The following DLGAP2 variants were observed in gnomAD, a reference collection of about 807,000 sequenced individuals.
DLGAP2 encodes disks large-associated protein 2.
Under a neutral mutation model 100.3 loss-of-function variants are expected in DLGAP2, and 26 were observed. That is an observed-to-expected ratio of 0.26 (90% CI 0.19 to 0.36). The LOEUF (loss-of-function observed/expected upper bound fraction) is 0.36. DLGAP2 is among the 10% of genes least tolerant of loss of function. The probability of loss-of-function intolerance (pLI) is 1.00; values close to 1 mark genes in which losing one functional copy is unlikely to be tolerated. For synonymous variants in DLGAP2, 886 were observed against 630.1 expected (o/e 1.41, Z -6.08); for missense variants, 1,858 against 1,453.2 (o/e 1.28, Z -4.53).
intron 3 of DLGAP2, among the ~76,000 whole-genome samples, chr8:1,327,347 T>C (rs1801045282): frequency 6.6e-6 from 1 of 152,214 alleles, no homozygotes; most frequent in South Asian, 2.1e-4. Context: ...GTGGGTTTCA[T>C]GTAAAAGGTC....
At chr8:1,620,580 G>C (rs541346744) in intron 6 of DLGAP2, 1 of 152,386 alleles carries the variant, frequency 6.6e-6, no homozygotes, top group East Asian at 1.9e-4. Context: ...TCCTATCATA[G>C]ATCTTGCCTT....
chr8:1,138,389 G>A (rs935427218), intron 2 of DLGAP2, among the ~76,000 whole-genome samples: 5 of 152,174 alleles, frequency 3.3e-5, no homozygotes, highest in African/African-American at 1.2e-4. Flanking sequence ...CCACTGCGAG[G>A]GATTTCTCCA....
At chr8:1,094,115 C>T (rs994104220) in intron 2 of DLGAP2, among the ~76,000 whole-genome samples, 2 of 151,776 alleles carry the variant, frequency 1.3e-5, no homozygotes, top group African/African-American at 2.4e-5. Context: ...AGGGCAGCTC[C>T]GTGGAGTGGG....
At chr8:1,213,273 C>A (rs1482314391) in intron 2 of DLGAP2, among the ~76,000 whole-genome samples, 2 of 152,088 alleles carry the variant, frequency 1.3e-5, no homozygotes, top group Non-Finnish European at 2.9e-5. Flanking sequence ...GGATGTTGAT[C>A]GTTTAAGAAA....
chr8:1,543,021 T>C (rs562234059), intron 4 of DLGAP2, among the ~76,000 whole-genome samples: 2 of 152,316 alleles, frequency 1.3e-5, no homozygotes, highest in African/African-American at 4.8e-5. Flanking sequence ...TTTGGAGAAA[T>C]ATTCAGCTCC....
At chr8:1,245,645 G>C (rs1798887211) in intron 2 of DLGAP2, among the ~76,000 whole-genome samples, 1 of 152,248 alleles carries the variant, frequency 6.6e-6, no homozygotes, top group Non-Finnish European at 1.5e-5. Flanking sequence ...GAAATGTTAT[G>C]TGATTGATTG....
At chr8:1,267,611 G>GAAA (rs1563052052) in intron 3 of DLGAP2, among the ~76,000 whole-genome samples, 1 of 103,120 alleles carries the variant, frequency 9.7e-6, no homozygotes, top group African/African-American at 3.8e-5. Context: ...GATAAGATAA[G>GAAA]ATAAGATAAG....
At chr8:1,143,197 T>C (rs1187955372) in intron 2 of DLGAP2, among the ~76,000 whole-genome samples, 1 of 152,106 alleles carries the variant, frequency 6.6e-6, no homozygotes, top group African/African-American at 2.4e-5. Context: ...ATAAAGTTAC[T>C]ATATGACAAG....
intron 3 of DLGAP2, among the ~76,000 whole-genome samples, chr8:1,482,817 C>A (rs1411131318): frequency 6.6e-6 from 1 of 152,252 alleles, no homozygotes; most frequent in Non-Finnish European, 1.5e-5. Flanking sequence ...GTGGGACCCT[C>A]GTTCGGGGCA....
intron 7 of DLGAP2, among the ~76,000 whole-genome samples, chr8:1,631,074 C>T (rs1358659946): frequency 2.6e-5 from 4 of 152,044 alleles, no homozygotes; most frequent in African/African-American, 7.2e-5. Flanking sequence ...GCGGGAGGTC[C>T]GGGTGAACAG....
intron 3 of DLGAP2, among the ~76,000 whole-genome samples, chr8:1,492,683 G>A (rs989741600): frequency 1.3e-5 from 2 of 152,222 alleles, no homozygotes; most frequent in Non-Finnish European, 2.9e-5. Context: ...CGGAGGCAGA[G>A]GGGCCGGGAT....
intron 1 of DLGAP2, among the ~76,000 whole-genome samples, chr8:779,138 A>G (rs1219501066): frequency 6.6e-6 from 1 of 152,224 alleles, no homozygotes; most frequent in Non-Finnish European, 1.5e-5. Context: ...TTTGACTAGG[A>G]AAGGGAACTC....
intron 2 of DLGAP2, among the ~76,000 whole-genome samples, chr8:1,114,610 T>A (rs1805060247): frequency 6.6e-6 from 1 of 152,156 alleles, no homozygotes; most frequent in Admixed American, 6.5e-5. Flanking sequence ...TTATTCCAGC[T>A]AGCAGCCTAT....
intron 2 of DLGAP2, among the ~76,000 whole-genome samples, chr8:1,076,053 C>A (rs1563178860): frequency 6.6e-6 from 1 of 152,138 alleles, no homozygotes; most frequent in Non-Finnish European, 1.5e-5. Context: ...AAGAGGAATT[C>A]ATACTACTAG....
chr8:1,442,408 C>A (rs1459732826), intron 3 of DLGAP2, among the ~76,000 whole-genome samples: 2 of 150,750 alleles, frequency 1.3e-5, no homozygotes, highest in Non-Finnish European at 1.5e-5. Context: ...GGGCATAGAC[C>A]CGCCAGGCTG....
intron 3 of DLGAP2, among the ~76,000 whole-genome samples, chr8:1,307,637 A>G (rs1412035935): frequency 6.6e-6 from 1 of 152,166 alleles, no homozygotes; most frequent in Non-Finnish European, 1.5e-5. Flanking sequence ...ACGTAAATGG[A>G]TGTATAAGCA....
At chr8:1,057,646 G>A (rs975659125) in intron 2 of DLGAP2, among the ~76,000 whole-genome samples, 5 of 152,162 alleles carry the variant, frequency 3.3e-5, no homozygotes, top group African/African-American at 1.2e-4. Context: ...GCAGGGACCA[G>A]GCAAACAAGA....
intron 3 of DLGAP2, among the ~76,000 whole-genome samples, chr8:1,269,521 C>T (rs984857920): frequency 2.6e-5 from 4 of 152,308 alleles, no homozygotes; most frequent in African/African-American, 9.6e-5. Context: ...AGAAGTAAGA[C>T]CCCCTCAACC....
chr8:1,155,532 G>C (rs531573182), intron 2 of DLGAP2, among the ~76,000 whole-genome samples: 1 of 149,080 alleles, frequency 6.7e-6, no homozygotes, highest in Non-Finnish European at 1.5e-5. Context: ...GGCTGTTGAC[G>C]ACAGCATATG....
Sources: gnomAD v4.1 joint callset for allele counts (sites outside exome capture counted in the v4.1 genomes callset) on GRCh38, gnomAD v4.1.1 for gene constraint, MANE v1.5 for transcripts, NCBI Gene and HGNC (gene_info 2026-07-23, HGNC 2026-07-21) for gene names.